The following RFTN1 variants were observed in gnomAD, a reference collection of about 807,000 sequenced individuals.
RFTN1 encodes raftlin.
In RFTN1, 26 loss-of-function variants were observed where a neutral mutation model predicts 46.5. The ratio of observed to expected loss-of-function variants is 0.56; its 90% CI spans 0.41 to 0.78. The LOEUF (loss-of-function observed/expected upper bound fraction) is 0.78. Among genes scored for constraint, RFTN1 ranks in the 30% least tolerant of loss-of-function variants. The pLI is 0.00. For synonymous variants in RFTN1, 261 were observed against 284.2 expected (o/e 0.92, Z 0.82); for missense variants, 693 against 718.7 (o/e 0.96, Z 0.41).
At position 16,466,525 on chromosome 3, in the gene RFTN1, G is replaced by A. The variant is rs928834340; in HGVS notation, c.145+27200C>T. Among the ~76,000 whole-genome samples the A allele has an allele frequency of 1.3e-5, 2 of 152,090 alleles. No individual in the cohort carries two copies. The highest frequency in any genetic ancestry group is 1.3e-4 in the Admixed American group (2 of 15,266). On this transcript the variant is annotated intron_variant, in intron 2 of 9. Coordinates refer to ENST00000334133, the MANE Select transcript of RFTN1 (RefSeq NM_015150.2). The surrounding 1 kb of genome is among the most constrained non-coding windows in gnomAD (Gnocchi z 5.6). Reference sequence around the variant, plus strand: ...TTCTGTTCTTTGATGAACACTTAAGGCCGTTTCAGAGAAGCAGCCATTACA... The same window carrying A: ...TTCTGTTCTTTGATGAACACTTAAGACCGTTTCAGAGAAGCAGCCATTACA...
At chr3:16,403,557 GAC>G (rs201161619) in intron 4 of RFTN1, among the ~76,000 whole-genome samples, 2 of 56,170 alleles carry the variant, frequency 3.6e-5, no homozygotes, top group African/African-American at 8.1e-5. Context: ...CAGAGACAGA[GAC>G]ACACACACAC....
At chr3:16,470,308 G>A (rs1267810688) in intron 2 of RFTN1, among the ~76,000 whole-genome samples, 1 of 152,130 alleles carries the variant, frequency 6.6e-6, no homozygotes, top group Non-Finnish European at 1.5e-5. Context: ...GCACTGGAGA[G>A]GAAGCCAAGG....
rs970342122 is a variant in RFTN1, at chr3:16,507,805, A to C, written c.-9+5637T>G. 7.1e-6 allele frequency among the ~76,000 whole-genome samples: 1 copy of C among 141,690 alleles called. No individual in the cohort carries two copies. The highest frequency in any genetic ancestry group is 1.5e-5 in the Non-Finnish European group (1 of 65,992). 93.0% of individuals were successfully genotyped at this position (141,690 alleles called of 152,430 possible). ...CTCACATACACACAAACACACACAA[A>C]CGCACATACATACATACATACACAC... On this transcript the variant is annotated intron_variant, in intron 1 of 9. Coordinates refer to ENST00000334133, the MANE Select transcript of RFTN1 (RefSeq NM_015150.2). The surrounding 1 kb of genome is among the most constrained non-coding windows in gnomAD (Gnocchi z 7.1).
rs1039707525 is a variant in RFTN1, at chr3:16,338,457, G to A, written c.1147-11581C>T. 1.3e-5 allele frequency among the ~76,000 whole-genome samples: 2 copies of A among 152,254 alleles called. No individual in the cohort carries two copies. Among genetic ancestry groups the A allele is most frequent in the East Asian group, 3.8e-4 (2 of 5,202 alleles). ...CCTGTCAGCTGCTCATCGGGACCAC[G>A]TATGCAATAGCACAGGGCTCCTGTC... On this transcript the variant is annotated intron_variant, in intron 7 of 9. Coordinates refer to ENST00000334133, the MANE Select transcript of RFTN1 (RefSeq NM_015150.2). The surrounding 1 kb of genome is among the most constrained non-coding windows in gnomAD (Gnocchi z 5.3).
chr3:16,505,678 A>G (rs1385341842), intron 1 of RFTN1, among the ~76,000 whole-genome samples: 1 of 152,230 alleles, frequency 6.6e-6, no homozygotes, highest in Non-Finnish European at 1.5e-5. Flanking sequence ...AGGTCCACCC[A>G]CATGATGGAG....
At chr3:16,408,318 A>G (rs572395294) in intron 4 of RFTN1, among the ~76,000 whole-genome samples, 1 of 151,944 alleles carries the variant, frequency 6.6e-6, no homozygotes, top group Admixed American at 6.6e-5. Context: ...TGCTGGTAAC[A>G]CTCACTAGTT....
At chr3:16,445,485 A>T (rs202041257) in intron 2 of RFTN1, among the ~76,000 whole-genome samples, 2,730 of 92,254 alleles carry the variant, frequency 0.03, 32 homozygotes, top group African/African-American at 0.048. Flanking sequence ...TCTCTCTCTC[A>T]CACACACACA....
At chr3:16,404,355 T>TATAATATATATAATATATA (rs1559329026) in intron 4 of RFTN1, among the ~76,000 whole-genome samples, 4 of 65,304 alleles carry the variant, frequency 6.1e-5, no homozygotes, top group African/African-American at 2.6e-4. Flanking sequence ...ATATATAATA[T>TATAATATATATAATATATA]ATATACACAA....
At chr3:16,398,212 AC>A (rs2074516342) in intron 4 of RFTN1, among the ~76,000 whole-genome samples, 1 of 143,734 alleles carries the variant, frequency 7.0e-6, no homozygotes, top group African/African-American at 2.5e-5. Flanking sequence ...GCACCACTGC[AC>A]TCCAGCCTGG....
chr3:16,482,387 T>C (rs1361139868), intron 2 of RFTN1, among the ~76,000 whole-genome samples: 1 of 152,198 alleles, frequency 6.6e-6, no homozygotes, highest in Non-Finnish European at 1.5e-5. Flanking sequence ...CATCTATGAT[T>C]CACCAAAACA....
At chr3:16,359,227 T>C (rs1276105812) in intron 6 of RFTN1, among the ~76,000 whole-genome samples, 1 of 152,060 alleles carries the variant, frequency 6.6e-6, no homozygotes, top group African/African-American at 2.4e-5. Context: ...TGAAAGGTGA[T>C]GTGACTCTTT....
At chr3:16,430,601 C>T (rs1289093641) in intron 3 of RFTN1, among the ~76,000 whole-genome samples, 2 of 152,168 alleles carry the variant, frequency 1.3e-5, no homozygotes, top group African/African-American at 2.4e-5. Context: ...GGGGATGATC[C>T]TCTTGATCAT....
chr3:16,463,476 G>C (rs1278469902), intron 2 of RFTN1, among the ~76,000 whole-genome samples: 4 of 151,960 alleles, frequency 2.6e-5, no homozygotes, highest in Non-Finnish European at 2.9e-5. Context: ...CCTATCCATT[G>C]AGTTCTTAAT....
chr3:16,431,480 G>C (rs2075386251), intron 3 of RFTN1, among the ~76,000 whole-genome samples: 1 of 151,612 alleles, frequency 6.6e-6, no homozygotes, highest in Non-Finnish European at 1.5e-5. Flanking sequence ...AGTTTGAGAA[G>C]TGTTGCTCCA....
rs2075947766 is a variant in RFTN1, at chr3:16,458,250, A to C, written c.146-24213T>G. On this transcript the variant is annotated intron_variant, in intron 2 of 9. Coordinates refer to ENST00000334133, the MANE Select transcript of RFTN1 (RefSeq NM_015150.2). The surrounding 1 kb of genome is among the most constrained non-coding windows in gnomAD (Gnocchi z 5.1). ...TAAAAGGAAACAAGATGAGATGATT[A>C]GACAATAGAGGTGTACAAAGCCAGC... Among the ~76,000 whole-genome samples, 1 of 152,248 alleles carries C rather than the reference A, an allele frequency of 6.6e-6. No individual in the cohort carries two copies. Among genetic ancestry groups the C allele is most frequent in the Non-Finnish European group, 1.5e-5 (1 of 68,050 alleles).
In RFTN1 at chr3:16,512,471, CACTG is replaced by C. The variant is rs1223319252; in HGVS notation, c.-9+967_-9+970del. Among the ~76,000 whole-genome samples the C allele has an allele frequency of 2.6e-5, 4 of 151,638 alleles. No homozygotes were observed. Among genetic ancestry groups the C allele is most frequent in the Non-Finnish European group, 4.4e-5 (3 of 67,988 alleles). On this transcript the variant is annotated intron_variant, in intron 1 of 9. Transcript: ENST00000334133. This position sits in a 1 kb window ranked among gnomAD's most constrained non-coding sequence, Gnocchi z 4.3. ...TTTGTTTTAAGCCCCCGAAGAAACT[CACTG>C]ACACCACCCAGCGTCCCTAGGGATC...
At chr3:16,398,768 G>C (rs963633865) in intron 4 of RFTN1, among the ~76,000 whole-genome samples, 1 of 152,204 alleles carries the variant, frequency 6.6e-6, no homozygotes, top group African/African-American at 2.4e-5. Context: ...TGGCTGGAAA[G>C]TCACCTTGAG....
rs901409271 is a variant in RFTN1 at position 16,342,601 on chromosome 3, A to G, written c.1146+15331T>C. Among the ~76,000 whole-genome samples, 8 of 152,210 alleles carry G rather than the reference A, an allele frequency of 5.3e-5. No homozygotes were observed. The highest frequency in any genetic ancestry group is 1.3e-4 in the Admixed American group (2 of 15,286). On this transcript the variant is annotated intron_variant, in intron 7 of 9. Coordinates refer to ENST00000334133, the MANE Select transcript of RFTN1 (RefSeq NM_015150.2). This position sits in a 1 kb window ranked among gnomAD's most constrained non-coding sequence, Gnocchi z 4.0. ...TGTTTAACATTTTGGGAAAGTGTCC[A>G]TGGATCACTTTTATAAAAATAAAAA...
intron 1 of RFTN1, among the ~76,000 whole-genome samples, chr3:16,511,407 A>ACC (rs1357414309): frequency 6.6e-6 from 1 of 152,208 alleles, no homozygotes; most frequent in Admixed American, 6.5e-5. Flanking sequence ...CATCAGCTGG[A>ACC]CTTATGGATG....
Sources: gnomAD v4.1 joint callset for allele counts (sites outside exome capture counted in the v4.1 genomes callset) on GRCh38, gnomAD v4.1.1 for gene constraint, Gnocchi (gnomAD v3.1) non-coding constraint, MANE v1.5 for transcripts, NCBI Gene and HGNC (gene_info 2026-07-23, HGNC 2026-07-21) for gene names.